Variants in CACNA1C observed in about 807,000 individuals in gnomAD.
The protein encoded by CACNA1C is calcium voltage-gated channel subunit alpha1 C, also known as voltage-dependent L-type calcium channel subunit alpha-1C.
In CACNA1C, 30 loss-of-function variants were observed where a neutral mutation model predicts 229.0. The ratio of observed to expected loss-of-function variants is 0.13; its 90% CI spans 0.10 to 0.18. CACNA1C has a LOEUF of 0.18. Among genes scored for constraint, CACNA1C ranks in the 10% least tolerant of loss-of-function variants. The pLI, the probability that CACNA1C is intolerant of heterozygous loss-of-function variation, is 1.00. For synonymous variants in CACNA1C, 1,114 were observed against 1,132.5 expected, an observed-to-expected ratio of 0.98 and a Z score of 0.33; for missense variants, 1,658 against 2,845.0, an observed-to-expected ratio of 0.58 and a Z score of 9.49.
rs77792682 is a variant in CACNA1C at position 2,138,590 on chromosome 12, C to T, written c.477+18160C>T. ...GGTAAGAGAGTGACCAGCAGCAGGC[C>T]GGGGTCACTTCCACGCTTCCTGCCC... On this transcript the variant is annotated intron_variant, in intron 3 of 46. Transcript: ENST00000399655. Among the ~76,000 whole-genome samples, 55 of 151,088 alleles carry T rather than the reference C, an allele frequency of 3.6e-4. No individual in the cohort carries two copies. The East Asian group carries it at 9.6e-3, about 26-fold the overall frequency.
At chr12:2,128,633 G>A (rs945528930) in intron 3 of CACNA1C, among the ~76,000 whole-genome samples, 2 of 152,160 alleles carry the variant, frequency 1.3e-5, no homozygotes, top group South Asian at 4.1e-4. Context: ...GGATGGTCTC[G>A]ATCTCCTGAC....
chr12:2,121,032 T>G (rs914656311), intron 3 of CACNA1C, among the ~76,000 whole-genome samples: 3 of 152,146 alleles, frequency 2.0e-5, no homozygotes, highest in Non-Finnish European at 2.9e-5. Context: ...GAGAGTGTGT[T>G]TACTTTTGGC....
At chr12:2,540,015 CA>C (rs1716404032) in intron 9 of CACNA1C, among the ~76,000 whole-genome samples, 1 of 152,164 alleles carries the variant, frequency 6.6e-6, no homozygotes, top group Non-Finnish European at 1.5e-5. Context: ...TGGAGAGGGC[CA>C]TGGGGCAGAC....
chr12:2,468,520 G>A (rs559735636), intron 5 of CACNA1C, among the ~76,000 whole-genome samples: 4 of 152,276 alleles, frequency 2.6e-5, no homozygotes, highest in East Asian at 3.9e-4. Flanking sequence ...TTTTCCAGTC[G>A]GGATAACTCC....
chr12:2,102,328 T>A (rs2076738763), intron 1 of CACNA1C, among the ~76,000 whole-genome samples: 1 of 152,218 alleles, frequency 6.6e-6, no homozygotes, highest in Non-Finnish European at 1.5e-5. Context: ...CAGTGCTGTT[T>A]CCTGCTCTCA....
intron 34 of CACNA1C, among the ~76,000 whole-genome samples, chr12:2,656,360 T>C (rs2153673333): frequency 6.6e-6 from 1 of 152,174 alleles, no homozygotes; most frequent in Non-Finnish European, 1.5e-5. Flanking sequence ...AAAACTAAAA[T>C]AAAATACTTA....
chr12:2,221,155 C>T (rs2061371054), intron 3 of CACNA1C, among the ~76,000 whole-genome samples: 1 of 152,192 alleles, frequency 6.6e-6, no homozygotes, highest in South Asian at 2.1e-4. Context: ...GTGTCAGAAA[C>T]AGAAGAGCAA....
At chr12:2,468,495 A>C (rs932475694) in intron 5 of CACNA1C, among the ~76,000 whole-genome samples, 3 of 152,198 alleles carry the variant, frequency 2.0e-5, no homozygotes, top group Admixed American at 2.0e-4. Flanking sequence ...AATCCAGGCT[A>C]TCTAGTTCAG....
chr12:1,974,043 T>C (rs564687032), intron 1 of CACNA1C, among the ~76,000 whole-genome samples: 14 of 152,286 alleles, frequency 9.2e-5, no homozygotes, highest in Non-Finnish European at 1.8e-4. Flanking sequence ...ATAAATCTGT[T>C]CCCTCCACTA....
At chr12:2,017,127 C>A (rs1593747293) in intron 1 of CACNA1C, among the ~76,000 whole-genome samples, 1 of 152,106 alleles carries the variant, frequency 6.6e-6, no homozygotes, top group African/African-American at 2.4e-5. Flanking sequence ...GTAATTCTGG[C>A]TACAATTTAG....
At chr12:2,196,748 T>C (rs2097416788) in intron 3 of CACNA1C, among the ~76,000 whole-genome samples, 2 of 152,164 alleles carry the variant, frequency 1.3e-5, no homozygotes, top group Non-Finnish European at 1.5e-5. Context: ...GTGAGGGCCA[T>C]GAGGAGCAAG....
At chr12:2,579,458 C>G (rs1399305651) in intron 13 of CACNA1C, among the ~76,000 whole-genome samples, 2 of 152,040 alleles carry the variant, frequency 1.3e-5, no homozygotes, top group Non-Finnish European at 2.9e-5. Context: ...AGGATTACCC[C>G]AGCCCCAGAG....
chr12:2,302,876 C>T (rs778237689), intron 3 of CACNA1C, among the ~76,000 whole-genome samples: 3 of 152,246 alleles, frequency 2.0e-5, no homozygotes, highest in Non-Finnish European at 4.4e-5. Context: ...TCGGCTCCAT[C>T]CTGGGGTTGG....
chr12:2,549,940 C>T lies in CACNA1C; in HGVS notation c.1391-3C>T. 2.5e-6 allele frequency: 4 copies of T among 1,594,342 alleles called. No individual in the cohort carries two copies. The highest frequency in any genetic ancestry group is 2.6e-6 in the Non-Finnish European group (3 of 1,169,042). ...TGGCTCTGCTTCCCTTTGACTCTTG[C>T]AGTGAGCATGCCCACCAGTGAGACC... is the stretch of plus-strand genomic sequence containing the variant. On this transcript the variant is annotated splice_polypyrimidine_tract_variant and splice_region_variant and intron_variant, in intron 9 of 46. Transcript: ENST00000399655.
intron 3 of CACNA1C, among the ~76,000 whole-genome samples, chr12:2,264,660 A>G (rs1008943207): frequency 6.6e-6 from 1 of 152,052 alleles, no homozygotes; most frequent in African/African-American, 2.4e-5. Flanking sequence ...GGGTTTGGGG[A>G]ATGATTGGCA....
intron 1 of CACNA1C, among the ~76,000 whole-genome samples, chr12:2,077,814 G>T (rs1279860654): frequency 6.6e-6 from 1 of 152,210 alleles, no homozygotes; most frequent in Admixed American, 6.5e-5. Context: ...GAAGTGTTCT[G>T]TGTGTCCTGG....
At chr12:2,498,819 C>G (rs1343830901) in intron 7 of CACNA1C, among the ~76,000 whole-genome samples, 1 of 152,238 alleles carries the variant, frequency 6.6e-6, no homozygotes, top group Non-Finnish European at 1.5e-5. Flanking sequence ...TTTAGGTTCT[C>G]TCAACATTGC....
intron 3 of CACNA1C, among the ~76,000 whole-genome samples, chr12:2,394,502 GA>G (rs1231356740): frequency 6.6e-6 from 1 of 152,144 alleles, no homozygotes; most frequent in Non-Finnish European, 1.5e-5. Context: ...GCTGTCTGGA[GA>G]GAATGGCCAC....
intron 3 of CACNA1C, among the ~76,000 whole-genome samples, chr12:2,447,914 C>T (rs1377132584): frequency 1.3e-5 from 2 of 152,260 alleles, no homozygotes; most frequent in Non-Finnish European, 2.9e-5. Flanking sequence ...GCCCGCCGCA[C>T]TCTGGAGGGC....
Sources: allele counts gnomAD v4.1 joint callset (sites outside exome capture counted in the v4.1 genomes callset), GRCh38; gene constraint gnomAD v4.1.1; transcripts MANE v1.5; gene names NCBI Gene and HGNC (gene_info 2026-07-23, HGNC 2026-07-21).